Variants in GGACT observed in about 807,000 individuals in gnomAD.
The protein encoded by GGACT is gamma-glutamylaminecyclotransferase.
For missense variants in GGACT, 241 were observed against 233.2 expected, an observed-to-expected ratio of 1.03 and a Z score of -0.22; for synonymous variants, 118 against 115.3, an observed-to-expected ratio of 1.02 and a Z score of -0.15.
At chr13:100,562,928 C>T (rs935107034) in intron 2 of GGACT, among the ~76,000 whole-genome samples, 1 of 152,162 alleles carries the variant, frequency 6.6e-6, no homozygotes, top group Admixed American at 6.5e-5. Context: ...CCTGGGCCCC[C>T]ACTGCCATGT....
intron 2 of GGACT, among the ~76,000 whole-genome samples, chr13:100,564,830 G>C (rs943296543): frequency 1.3e-5 from 2 of 152,168 alleles, no homozygotes; most frequent in African/African-American, 4.8e-5. Flanking sequence ...GCAGGGGGCG[G>C]GGGGGCTGGG....
At chr13:100,560,908 A>G (rs1268468721) in intron 2 of GGACT, among the ~76,000 whole-genome samples, 1 of 152,180 alleles carries the variant, frequency 6.6e-6, no homozygotes, top group South Asian at 2.1e-4. Context: ...AATCTTTGCA[A>G]TTGTGAACAT....
At chr13:100,562,282 G>T (rs1351587891) in intron 2 of GGACT, among the ~76,000 whole-genome samples, 3 of 152,170 alleles carry the variant, frequency 2.0e-5, no homozygotes, top group Admixed American at 2.0e-4. Flanking sequence ...GCTAAGACTT[G>T]ATTTCCATTT....
At chr13:100,550,009 A>G (rs1346229591) in intron 2 of GGACT, among the ~76,000 whole-genome samples, 1 of 152,228 alleles carries the variant, frequency 6.6e-6, no homozygotes, top group Non-Finnish European at 1.5e-5. Context: ...GTTAAATTCA[A>G]TTAAAATGGC....
rs145711188 is a variant in GGACT, at chr13:100,577,537, A to G, written c.-11+6288T>C. Among the ~76,000 whole-genome samples the G allele has an allele frequency of 2.7e-3, 408 of 152,252 alleles. 12 individuals are homozygous for G. In the East Asian group the frequency reaches 0.052, roughly 19 times the overall value. On this transcript the variant is annotated intron_variant, in intron 2 of 2. Coordinates refer to ENST00000683975, the MANE Select transcript of GGACT (RefSeq NM_001195087.2). Reference sequence around the variant, plus strand: ...TTGTTGGACAGAATTATATTTATGTAAAAAACCCTCAAAATTCATAATAAA... The same window carrying G: ...TTGTTGGACAGAATTATATTTATGTGAAAAACCCTCAAAATTCATAATAAA...
intron 2 of GGACT, among the ~76,000 whole-genome samples, chr13:100,576,617 C>T (rs1366339587): frequency 1.3e-5 from 2 of 152,218 alleles, no homozygotes; most frequent in African/African-American, 4.8e-5. Flanking sequence ...GACATACACA[C>T]AAACAAATCT....
chr13:100,578,236 C>A (rs1411326462), intron 2 of GGACT, among the ~76,000 whole-genome samples: 1 of 152,188 alleles, frequency 6.6e-6, no homozygotes, highest in East Asian at 1.9e-4. Flanking sequence ...GGAGAGAGCA[C>A]CTCCCTGGAC....
At chr13:100,578,327 G>A (rs894871182) in intron 2 of GGACT, among the ~76,000 whole-genome samples, 1 of 152,206 alleles carries the variant, frequency 6.6e-6, no homozygotes, top group East Asian at 1.9e-4. Context: ...ATCCACTTAT[G>A]CCACCACTAC....
At chr13:100,546,523 G>C (rs561390247) in intron 2 of GGACT, among the ~76,000 whole-genome samples, 3 of 151,712 alleles carry the variant, frequency 2.0e-5, no homozygotes. Context: ...TTGTAATAAG[G>C]AAATAGACTG....
rs145806384 is a variant in GGACT at position 100,545,782 on chromosome 13, G to A, written c.-10-13181C>T. Among the ~76,000 whole-genome samples the A allele has an allele frequency of 6.4e-3, 982 of 152,358 alleles. 11 individuals are homozygous for A. The highest frequency in any genetic ancestry group is 0.022 in the African/African-American group (928 of 41,588). On this transcript the variant is annotated intron_variant, in intron 2 of 2. Coordinates refer to ENST00000683975, the MANE Select transcript of GGACT (RefSeq NM_001195087.2). The surrounding 1 kb of genome is among the most constrained non-coding windows in gnomAD (Gnocchi z 4.4). ...TTTCTGGCATTAGGGTGAAGCTTGG[G>A]TGAGCTGCTGCACTTCCCATTGCAA...
In GGACT at chr13:100,530,429, G is replaced by T; in HGVS notation, c.*1701C>A. The T allele has an allele frequency of 1.8e-6, 1 of 563,586 alleles. No homozygotes were observed. The highest frequency in any genetic ancestry group is 2.0e-5 in the South Asian group (1 of 49,346). The allele number at this position is 563,586 out of a possible 1,614,324, so 34.9% of individuals were successfully genotyped here. A position where few individuals can be genotyped will look rare whatever the true frequency, so the allele number is the denominator to read the frequency against. On this transcript the variant is annotated 3_prime_UTR_variant, in exon 3 of 3. Coordinates refer to ENST00000683975, the MANE Select transcript of GGACT (RefSeq NM_001195087.2). ...ATTAAATCAATAAAACTGAGCATTT[G>T]TCTAAATATTAGTTTGCCCTTTCTT... is the stretch of plus-strand genomic sequence containing the variant.
intron 2 of GGACT, among the ~76,000 whole-genome samples, chr13:100,533,102 C>A (rs1007015176): frequency 1.3e-5 from 2 of 152,260 alleles, no homozygotes; most frequent in African/African-American, 4.8e-5. Flanking sequence ...ACAGTCCTGA[C>A]CTGCTGACTG....
intron 1 of GGACT, among the ~76,000 whole-genome samples, chr13:100,587,883 G>A (rs1875629094): frequency 6.6e-6 from 1 of 152,088 alleles, no homozygotes; most frequent in Admixed American, 6.5e-5. Flanking sequence ...AAAATAAGCT[G>A]GGCGTGATAG....
rs1445039629 is a variant in GGACT, at chr13:100,531,347, C to G, written c.*783G>C. 3 of 152,188 alleles carry G rather than the reference C, an allele frequency of 2.0e-5. No individual in the cohort carries two copies. Among genetic ancestry groups the G allele is most frequent in the Non-Finnish European group, 2.9e-5 (2 of 68,044 alleles). The allele number at this position is 152,188 out of a possible 1,614,324, so 9.4% of individuals were successfully genotyped here. On this transcript the variant is annotated 3_prime_UTR_variant, in exon 3 of 3. Transcript: ENST00000683975. The stretch of plus-strand genomic sequence containing the variant: ...GGCTCTTCTTTGAAAGGACTCACCC[C>G]CAAATGCTCTCCCTTCAGGGGGCAG...
At chr13:100,561,213 G>A (rs974683523) in intron 2 of GGACT, among the ~76,000 whole-genome samples, 5 of 152,140 alleles carry the variant, frequency 3.3e-5, no homozygotes, top group African/African-American at 7.2e-5. Context: ...TTCCTTGAAC[G>A]TTGTGTTATA....
chr13:100,587,466 G>C (rs1875613405), intron 1 of GGACT, among the ~76,000 whole-genome samples: 1 of 152,156 alleles, frequency 6.6e-6, no homozygotes, highest in Non-Finnish European at 1.5e-5. Flanking sequence ...AGAACACAGT[G>C]GTCTGCTTAT....
intron 1 of GGACT, 28 bp downstream of exon 1, chr13:100,588,713 C>G (rs1486964292): frequency 1.3e-5 from 2 of 151,506 alleles, no homozygotes; most frequent in Non-Finnish European, 2.9e-5. Context: ...GGCGCAGCCC[C>G]GACCCCCGCC....
At chr13:100,550,527 GC>G (rs1448958488) in intron 2 of GGACT, among the ~76,000 whole-genome samples, 2 of 152,030 alleles carry the variant, frequency 1.3e-5, no homozygotes, top group Admixed American at 6.6e-5. Context: ...AGCCAAACAC[GC>G]CAGTGTTTGG....
chr13:100,540,088 G>C, intron 2 of GGACT: 1 of 1,526,418 alleles, frequency 6.6e-7, no homozygotes, highest in Non-Finnish European at 9.0e-7. Context: ...GCTCGCTTCA[G>C]AAATGTCCCT....
Sources: gnomAD v4.1 joint callset for allele counts (sites outside exome capture counted in the v4.1 genomes callset) on GRCh38, gnomAD v4.1.1 for gene constraint, Gnocchi (gnomAD v3.1) non-coding constraint, MANE v1.5 for transcripts, NCBI Gene and HGNC (gene_info 2026-07-23, HGNC 2026-07-21) for gene names.